Variants in PRKAR1A observed in about 807,000 individuals in gnomAD.
PRKAR1A encodes cAMP-dependent protein kinase type I-alpha regulatory subunit.
A neutral mutation model predicts 52.0 loss-of-function variants in PRKAR1A; 3 were observed. That is an observed-to-expected ratio of 0.06 (90% CI 0.03 to 0.15). The LOEUF (loss-of-function observed/expected upper bound fraction) is 0.15. Among genes scored for constraint, PRKAR1A ranks in the 10% least tolerant of loss-of-function variants. The pLI is 1.00. For missense variants in PRKAR1A, 240 were observed against 477.4 expected (o/e 0.50, Z 4.63); for synonymous variants, 188 against 168.4 (o/e 1.12, Z -0.90).
At chr17:68,415,799 C>G in the PRKAR1A span, among the ~76,000 whole-genome samples, 2 of 152,154 alleles carry the variant, frequency 1.3e-5, no homozygotes, top group African/African-American at 4.8e-5. Context: ...ACTGCCGTTG[C>G]TTTAAAGTTG....
chr17:68,519,102 C>T (rs1342209982), intron 2 of PRKAR1A, among the ~76,000 whole-genome samples: 1 of 152,122 alleles, frequency 6.6e-6, no homozygotes, highest in East Asian at 1.9e-4. Flanking sequence ...CCACATTTTC[C>T]TGTCTTCTTC....
the PRKAR1A span, among the ~76,000 whole-genome samples, chr17:68,430,811 G>A: frequency 6.6e-6 from 1 of 152,184 alleles, no homozygotes; most frequent in Admixed American, 6.5e-5. Flanking sequence ...ACAGAGGGTG[G>A]CACATTGAGA....
At chr17:68,495,918 G>T in the PRKAR1A span, among the ~76,000 whole-genome samples, 1 of 140,404 alleles carries the variant, frequency 7.1e-6, no homozygotes, top group African/African-American at 2.7e-5. Flanking sequence ...TTGGCTCCTG[G>T]TCCCTCTCTG....
the PRKAR1A span, among the ~76,000 whole-genome samples, chr17:68,499,668 C>G: frequency 6.6e-6 from 1 of 152,230 alleles, no homozygotes; most frequent in Non-Finnish European, 1.5e-5. Context: ...GTTGGAATTT[C>G]TACTACAATT....
At chr17:68,481,819 T>C in the PRKAR1A span, among the ~76,000 whole-genome samples, 2 of 152,172 alleles carry the variant, frequency 1.3e-5, no homozygotes, top group African/African-American at 2.4e-5. Context: ...TCAAAGCCAG[T>C]GGAAGCTTGA....
the PRKAR1A span, among the ~76,000 whole-genome samples, chr17:68,479,276 G>A: frequency 0.22 from 33,775 of 151,916 alleles, 3,926 homozygotes; most frequent in South Asian, 0.25. Context: ...CGTACTGTGA[G>A]GTCAGCTGTG....
chr17:68,460,493 G>A, the PRKAR1A span, among the ~76,000 whole-genome samples: 1 of 152,180 alleles, frequency 6.6e-6, no homozygotes, highest in East Asian at 1.9e-4. Flanking sequence ...GGCCACGGGA[G>A]AAAAATGGTC....
At chr17:68,434,649 AT>A in the PRKAR1A span, 1 of 1,613,226 alleles carries the variant, frequency 6.2e-7, no homozygotes, top group Non-Finnish European at 8.5e-7. Flanking sequence ...GCAGGTGGAC[AT>A]TTCATAACCA....
chr17:68,489,697 C>G, the PRKAR1A span, among the ~76,000 whole-genome samples: 1 of 148,124 alleles, frequency 6.8e-6, no homozygotes, highest in African/African-American at 2.5e-5. Flanking sequence ...ATTACAGGTG[C>G]GTGTCATCAC....
chr17:68,515,604 G>A (rs2143154288), intron 2 of PRKAR1A, 28 bp downstream of exon 2: 2 of 1,601,980 alleles, frequency 1.2e-6, no homozygotes, highest in South Asian at 2.2e-5. Context: ...GAGATGATGA[G>A]GTGATTGTGA....
At chr17:68,543,294 T>C (rs10491176) in intron 11 of PRKAR1A, among the ~76,000 whole-genome samples, 15,921 of 152,046 alleles carry the variant, frequency 0.1, 1,041 homozygotes, top group South Asian at 0.19. Context: ...TCACCTAATA[T>C]CATAACAGTG....
chr17:68,443,976 G>A, the PRKAR1A span, among the ~76,000 whole-genome samples: 224 of 152,274 alleles, frequency 1.5e-3, 1 homozygote, highest in African/African-American at 5.2e-3. Context: ...ATTAAATAGT[G>A]TTAAATCCCG....
the PRKAR1A span, among the ~76,000 whole-genome samples, chr17:68,502,507 T>A: frequency 6.6e-6 from 1 of 152,178 alleles, no homozygotes; most frequent in African/African-American, 2.4e-5. Flanking sequence ...TCCCAGCACT[T>A]TTGGAGGCTG....
chr17:68,513,659 C>G (rs911991892), intron 1 of PRKAR1A, among the ~76,000 whole-genome samples: 1 of 152,088 alleles, frequency 6.6e-6, no homozygotes, highest in African/African-American at 2.4e-5. Flanking sequence ...CCGGGTAACT[C>G]GATTAAAAAT....
chr17:68,536,329 C>T (rs1363451541), downstream of PRKAR1A: 5 of 453,944 alleles, frequency 1.1e-5, no homozygotes, highest in Admixed American at 9.4e-5. Flanking sequence ...ACTGACTAGT[C>T]ACTCCATGGA....
chr17:68,530,540 T>C lies in PRKAR1A; in HGVS notation c.*91T>C. 1 of 1,609,566 alleles carries C rather than the reference T, an allele frequency of 6.2e-7. No homozygotes were observed. The highest frequency in any genetic ancestry group is 1.1e-5 in the South Asian group (1 of 90,452). On this transcript the variant is annotated 3_prime_UTR_variant, in exon 11 of 11. Coordinates refer to ENST00000589228, the MANE Select transcript of PRKAR1A (RefSeq NM_002734.5). Reference sequence around the variant, plus strand: ...TATTTTCCCTACTTGCAGCGCCAAGTGGCCACTGGCATCGCAGCTTCCTGT... The same window carrying C: ...TATTTTCCCTACTTGCAGCGCCAAGCGGCCACTGGCATCGCAGCTTCCTGT...
chr17:68,521,924 T>G (rs970914622), intron 2 of PRKAR1A, among the ~76,000 whole-genome samples: 2 of 152,264 alleles, frequency 1.3e-5, no homozygotes, highest in Non-Finnish European at 2.9e-5. Context: ...GAATTTGTTT[T>G]TAAGGCTCTA....
intron 11 of PRKAR1A, among the ~76,000 whole-genome samples, chr17:68,549,586 G>A (rs770433075): frequency 5.9e-5 from 9 of 151,480 alleles, no homozygotes; most frequent in East Asian, 5.8e-4. Context: ...TTTGTGGTGC[G>A]TTTGCAGATT....
the PRKAR1A span, among the ~76,000 whole-genome samples, chr17:68,487,371 A>G: frequency 6.6e-6 from 1 of 152,340 alleles, no homozygotes; most frequent in East Asian, 1.9e-4. Flanking sequence ...CTACCAAGTT[A>G]ATTAATCAAT....
Sources: gnomAD v4.1 joint callset for allele counts (sites outside exome capture counted in the v4.1 genomes callset) on GRCh38, gnomAD v4.1.1 for gene constraint, MANE v1.5 for transcripts, NCBI Gene and HGNC (gene_info 2026-07-23, HGNC 2026-07-21) for gene names.